The following RABGAP1L variants were observed in gnomAD, a reference collection of about 807,000 sequenced individuals.
The protein encoded by RABGAP1L is RAB GTPase activating protein 1 like.
RABGAP1L carries 63 observed loss-of-function variants against 137.7 expected under a neutral mutation model. The ratio of observed to expected loss-of-function variants is 0.46; its 90% CI spans 0.37 to 0.56. The LOEUF (loss-of-function observed/expected upper bound fraction) is 0.56. Ranked by LOEUF, RABGAP1L falls within the 20% of genes least tolerant of loss-of-function variation. The pLI is 0.00. For synonymous variants in RABGAP1L, 431 were observed against 433.7 expected (o/e 0.99, Z 0.08); for missense variants, 1,095 against 1,244.0 (o/e 0.88, Z 1.80).
chr1:174,550,482 A>G (rs1001004686), intron 13 of RABGAP1L, among the ~76,000 whole-genome samples: 1 of 152,150 alleles, frequency 6.6e-6, no homozygotes, highest in Non-Finnish European at 1.5e-5. Flanking sequence ...CGATAGTCCT[A>G]GGCTTCTGAA....
intron 19 of RABGAP1L, among the ~76,000 whole-genome samples, chr1:174,908,771 G>A (rs1284599062): frequency 3.3e-5 from 5 of 150,268 alleles, no homozygotes; most frequent in Non-Finnish European, 7.4e-5. Flanking sequence ...TCAAACTCCC[G>A]AACCTCAGGT....
intron 11 of RABGAP1L, among the ~76,000 whole-genome samples, chr1:174,341,896 A>G (rs1682005668): frequency 6.6e-6 from 1 of 152,184 alleles, no homozygotes; most frequent in Admixed American, 6.5e-5. Flanking sequence ...TAATTTAAGT[A>G]TCTTTCTTGA....
chr1:174,517,294 A>G (rs1311750965), intron 13 of RABGAP1L, among the ~76,000 whole-genome samples: 1 of 152,188 alleles, frequency 6.6e-6, no homozygotes, highest in Non-Finnish European at 1.5e-5. Flanking sequence ...GAGAAATTTA[A>G]AAGGATTTGG....
At chr1:174,589,463 T>C (rs978880358) in intron 13 of RABGAP1L, among the ~76,000 whole-genome samples, 3 of 152,194 alleles carry the variant, frequency 2.0e-5, no homozygotes, top group Non-Finnish European at 2.9e-5. Context: ...GTTAACTTGA[T>C]ATGATCTCAT....
chr1:174,517,450 A>G (rs77268952), intron 13 of RABGAP1L, among the ~76,000 whole-genome samples: 1,657 of 152,266 alleles, frequency 0.011, 32 homozygotes, highest in African/African-American at 0.038. Flanking sequence ...ATAAAACATT[A>G]TAGATCTGGA....
intron 13 of RABGAP1L, among the ~76,000 whole-genome samples, chr1:174,541,444 T>C (rs1414775560): frequency 2.0e-5 from 3 of 152,154 alleles, no homozygotes; most frequent in African/African-American, 7.2e-5. Flanking sequence ...AAATAGCTCT[T>C]ATTATTTTGA....
At chr1:174,893,555 CA>C (rs1355310178) in intron 19 of RABGAP1L, among the ~76,000 whole-genome samples, 2 of 152,180 alleles carry the variant, frequency 1.3e-5, no homozygotes, top group Non-Finnish European at 2.9e-5. Context: ...AGCTGTACAA[CA>C]AATATCTTCT....
At chr1:174,988,089 G>A (rs1671757020) in intron 24 of RABGAP1L, among the ~76,000 whole-genome samples, 1 of 152,194 alleles carries the variant, frequency 6.6e-6, no homozygotes, top group South Asian at 2.1e-4. Context: ...GATTACAGGC[G>A]TGAGCCACCA....
At chr1:174,615,617 A>AG (rs1671758483) in intron 13 of RABGAP1L, among the ~76,000 whole-genome samples, 1 of 152,208 alleles carries the variant, frequency 6.6e-6, no homozygotes, top group African/African-American at 2.4e-5. Context: ...GCTGTCAGAC[A>AG]GGGACATTTA....
intron 13 of RABGAP1L, among the ~76,000 whole-genome samples, chr1:174,500,850 A>G (rs1661193442): frequency 6.6e-6 from 1 of 152,268 alleles, no homozygotes; most frequent in South Asian, 2.1e-4. Flanking sequence ...TGGGCCTTCT[A>G]TAAAAGATTT....
chr1:174,457,477 CTTT>C (rs746968960), intron 13 of RABGAP1L, among the ~76,000 whole-genome samples: 22 of 107,482 alleles, frequency 2.0e-4, no homozygotes, highest in African/African-American at 2.1e-4. Flanking sequence ...CAGGCATCAT[CTTT>C]TTTTTTTTTT....
At chr1:174,233,735 T>C (rs1404933494) in intron 4 of RABGAP1L, among the ~76,000 whole-genome samples, 8 of 135,182 alleles carry the variant, frequency 5.9e-5, no homozygotes. Context: ...TACGTGTGCA[T>C]GTGTCTTTAT....
At chr1:174,892,693 T>G in intron 19 of RABGAP1L, 1 of 525,692 alleles carries the variant, frequency 1.9e-6, no homozygotes, top group Non-Finnish European at 3.8e-6. Context: ...ACGTGAATAT[T>G]GCTATTGCTT....
intron 1 of RABGAP1L, among the ~76,000 whole-genome samples, chr1:174,201,913 G>A (rs960246439): frequency 6.7e-6 from 1 of 148,958 alleles, no homozygotes; most frequent in Non-Finnish European, 1.5e-5. Flanking sequence ...TTGATTCTTT[G>A]TCCTTGCGAC....
At chr1:174,590,586 T>G (rs1174472397) in intron 13 of RABGAP1L, among the ~76,000 whole-genome samples, 17 of 81,882 alleles carry the variant, frequency 2.1e-4, no homozygotes, top group Admixed American at 4.2e-4. Flanking sequence ...CACCTATGAG[T>G]GAGAATATGC....
At chr1:174,610,104 T>C (rs974398000) in intron 13 of RABGAP1L, among the ~76,000 whole-genome samples, 3 of 151,532 alleles carry the variant, frequency 2.0e-5, no homozygotes, top group Admixed American at 6.6e-5. Context: ...GTGGACAATG[T>C]GCAGGTTAGT....
At chr1:174,822,751 C>T (rs1484737267) in intron 19 of RABGAP1L, among the ~76,000 whole-genome samples, 2 of 152,330 alleles carry the variant, frequency 1.3e-5, no homozygotes, top group African/African-American at 4.8e-5. Flanking sequence ...CCACGAGGCA[C>T]CTCTTTCTGT....
intron 13 of RABGAP1L, among the ~76,000 whole-genome samples, chr1:174,458,083 C>A (rs1393962946): frequency 6.6e-6 from 1 of 152,066 alleles, no homozygotes; most frequent in East Asian, 1.9e-4. Flanking sequence ...TCTCCAAGAG[C>A]ACTTAGACTA....
chr1:174,306,336 C>G (rs944747229), intron 11 of RABGAP1L, among the ~76,000 whole-genome samples: 1 of 152,202 alleles, frequency 6.6e-6, no homozygotes, highest in Non-Finnish European at 1.5e-5. Context: ...TGAGGAATCA[C>G]CACACTGTCT....
Sources: gnomAD v4.1 joint callset for allele counts (sites outside exome capture counted in the v4.1 genomes callset) on GRCh38, gnomAD v4.1.1 for gene constraint, MANE v1.5 for transcripts, NCBI Gene and HGNC (gene_info 2026-07-23, HGNC 2026-07-21) for gene names.